Variants in GRID2 observed in about 807,000 individuals in gnomAD.
GRID2 encodes the protein glutamate ionotropic receptor delta type subunit 2, also known as glutamate receptor ionotropic, delta-2.
Under a neutral mutation model 114.8 loss-of-function variants are expected in GRID2, and 33 were observed. The ratio of observed to expected loss-of-function variants is 0.29; its 90% CI spans 0.22 to 0.38. The LOEUF (loss-of-function observed/expected upper bound fraction) is 0.38. Among genes scored for constraint, GRID2 ranks in the 10% least tolerant of loss-of-function variants. The pLI, the probability that GRID2 is intolerant of heterozygous loss-of-function variation, is 1.00. For synonymous variants in GRID2, 505 were observed against 449.9 expected, an observed-to-expected ratio of 1.12 and a Z score of -1.55; for missense variants, 1,184 against 1,257.7, an observed-to-expected ratio of 0.94 and a Z score of 0.89.
chr4:93,213,982 G>A (rs1743886843), intron 5 of GRID2, among the ~76,000 whole-genome samples: 6 of 151,894 alleles, frequency 4.0e-5, no homozygotes, highest in Admixed American at 3.3e-4. Context: ...AAATAGAAAA[G>A]TTAAGTCGCT....
At chr4:93,574,145 A>T (rs1736189476) in intron 13 of GRID2, among the ~76,000 whole-genome samples, 1 of 152,152 alleles carries the variant, frequency 6.6e-6, no homozygotes. Context: ...TCCCTATTCA[A>T]TGCCCATCTT....
chr4:93,751,868 T>G (rs2110285137), intron 14 of GRID2, among the ~76,000 whole-genome samples: 1 of 152,288 alleles, frequency 6.6e-6, no homozygotes, highest in South Asian at 2.1e-4. Context: ...GCCTCCTTAT[T>G]TTCCTAGGCT....
chr4:92,349,432 T>C (rs1727951057), intron 1 of GRID2, among the ~76,000 whole-genome samples: 1 of 151,870 alleles, frequency 6.6e-6, no homozygotes, highest in Non-Finnish European at 1.5e-5. Flanking sequence ...ATATTAACTA[T>C]ACATATTGGT....
At chr4:92,575,211 GT>G (rs1727824855) in intron 1 of GRID2, among the ~76,000 whole-genome samples, 1 of 152,148 alleles carries the variant, frequency 6.6e-6, no homozygotes, top group African/African-American at 2.4e-5. Flanking sequence ...GTCAGCCCCT[GT>G]ATTGTTTTAC....
rs559060420 is a variant in GRID2, at chr4:93,222,318, A to C, written c.964-2296A>C. Among the ~76,000 whole-genome samples, 9 of 152,190 alleles carry C rather than the reference A, an allele frequency of 5.9e-5. No homozygotes were observed. The East Asian group carries it at 1.7e-3, about 30-fold the overall frequency. ...AAAGAGGTGCTCAACCTTGTGTAGG[A>C]TAAGGAAAGAAAATCAGAAGTTGGC... On this transcript the variant is annotated intron_variant, in intron 6 of 15. Transcript: ENST00000282020.
chr4:93,752,430 G>C (rs1452589168), intron 14 of GRID2, among the ~76,000 whole-genome samples: 1 of 151,830 alleles, frequency 6.6e-6, no homozygotes, highest in Non-Finnish European at 1.5e-5. Context: ...GAGTGCCCTG[G>C]TGCAATCTTG....
intron 13 of GRID2, among the ~76,000 whole-genome samples, chr4:93,596,532 C>T (rs1006120437): frequency 1.3e-5 from 2 of 151,614 alleles, no homozygotes; most frequent in African/African-American, 4.9e-5. Flanking sequence ...GAGCCGAGAT[C>T]GCGTCACTGC....
At position 93,164,168 on chromosome 4, in the gene GRID2, A is replaced by C. The variant is rs137918064; in HGVS notation, c.736-43236A>C. Among the ~76,000 whole-genome samples the C allele has an allele frequency of 3.3e-5, 5 of 152,080 alleles. No individual in the cohort carries two copies. In the South Asian group the frequency reaches 8.3e-4, roughly 25 times the overall value. On this transcript the variant is annotated intron_variant, in intron 4 of 15. Coordinates refer to ENST00000282020, the MANE Select transcript of GRID2 (RefSeq NM_001510.4). ...AACCAAGCCCGGGGGGGGAAAAAAA[A>C]GGTAATTTAGAAAAGAAAATAAACA...
At chr4:93,582,635 GA>G in intron 13 of GRID2, among the ~76,000 whole-genome samples, 1 of 152,170 alleles carries the variant, frequency 6.6e-6, no homozygotes, top group East Asian at 1.9e-4. Flanking sequence ...TATAATTTCT[GA>G]CACTTACAAA....
chr4:93,414,685 T>TTATATATATATATATATATATATATATA lies in GRID2; in HGVS notation c.1348-8065_1348-8064insATATATATATATATATATATATATATAT, dbSNP rs34416042. ...GCACCTATCATCACCATCTGACATTTTATATATATATATATATATATTTCC... is the reference window on the plus strand; with the variant it reads ...GCACCTATCATCACCATCTGACATTTTATATATATATATATATATATATATATATATATATATATATATATATATTTCC... On this transcript the variant is annotated intron_variant, in intron 9 of 15. Coordinates refer to ENST00000282020, the MANE Select transcript of GRID2 (RefSeq NM_001510.4). Among the ~76,000 whole-genome samples the TTATATATATATATATATATATATATATA allele has an allele frequency of 3.3e-3, 465 of 140,154 alleles. 1 individual carries two copies. Among genetic ancestry groups the TTATATATATATATATATATATATATATA allele is most frequent in the Non-Finnish European group, 3.9e-3 (256 of 64,838 alleles). The allele number at this position is 140,154 out of a possible 152,430, so 91.9% of individuals were successfully genotyped here.
intron 2 of GRID2, among the ~76,000 whole-genome samples, chr4:92,871,738 G>C (rs1745294678): frequency 6.6e-6 from 1 of 152,122 alleles, no homozygotes; most frequent in African/African-American, 2.4e-5. Context: ...TCAGAGTTCA[G>C]TGACTTAGAG....
At chr4:93,299,074 C>G (rs1023473890) in intron 8 of GRID2, among the ~76,000 whole-genome samples, 2 of 152,132 alleles carry the variant, frequency 1.3e-5, no homozygotes. Flanking sequence ...TGTTTTCAAA[C>G]AAGTCACTGC....
At chr4:92,569,800 CTTTTTAATGTTT>C (rs1250996027) in intron 1 of GRID2, among the ~76,000 whole-genome samples, 7 of 151,926 alleles carry the variant, frequency 4.6e-5, no homozygotes, top group Non-Finnish European at 1.0e-4. Context: ...CCAATGCCCA[CTTTTTAATGTTT>C]TTTTTCCTTC....
chr4:93,224,309 G>A (rs556100210), intron 6 of GRID2, among the ~76,000 whole-genome samples: 1 of 152,168 alleles, frequency 6.6e-6, no homozygotes, highest in Non-Finnish European at 1.5e-5. Context: ...AGAAATAAGG[G>A]CCAATGATTT....
chr4:92,424,975 T>C (rs1732086757), intron 1 of GRID2, among the ~76,000 whole-genome samples: 1 of 151,976 alleles, frequency 6.6e-6, no homozygotes, highest in African/African-American at 2.4e-5. Context: ...ATATTTCAAA[T>C]GTTAAAATTA....
intron 8 of GRID2, among the ~76,000 whole-genome samples, chr4:93,285,094 G>A (rs1274564800): frequency 6.6e-6 from 1 of 151,988 alleles, no homozygotes; most frequent in Admixed American, 6.6e-5. Flanking sequence ...CAGGCAAAGT[G>A]TTATAATTAA....
rs79107280 is a variant in GRID2 at position 92,524,331 on chromosome 4, G to A, written c.89-65800G>A. Among the ~76,000 whole-genome samples, 557 of 150,704 alleles carry A rather than the reference G, an allele frequency of 3.7e-3. 3 individuals are homozygous for A. Among genetic ancestry groups the A allele is most frequent in the African/African-American group, 0.013 (519 of 40,978 alleles). On this transcript the variant is annotated intron_variant, in intron 1 of 15. Transcript: ENST00000282020. The stretch of plus-strand genomic sequence containing the variant: ...TACTTTACAGGTCTATAGGTCAGAA[G>A]TCTAACATGGGTATCAGTAGCTGAA...
At chr4:93,476,638 A>T (rs1028404673) in intron 11 of GRID2, among the ~76,000 whole-genome samples, 1 of 152,248 alleles carries the variant, frequency 6.6e-6, no homozygotes, top group East Asian at 1.9e-4. Context: ...CTAAAATATC[A>T]AAATGGAACA....
At chr4:93,023,069 A>G (rs1481093880) in intron 2 of GRID2, among the ~76,000 whole-genome samples, 1 of 151,354 alleles carries the variant, frequency 6.6e-6, no homozygotes, top group Non-Finnish European at 1.5e-5. Flanking sequence ...TGAGAAGATT[A>G]AATTGGGTGG....
Sources: allele counts gnomAD v4.1 joint callset (sites outside exome capture counted in the v4.1 genomes callset), GRCh38; gene constraint gnomAD v4.1.1; transcripts MANE v1.5; gene names NCBI Gene and HGNC (gene_info 2026-07-23, HGNC 2026-07-21).